PRR16: variants seen among roughly 807,000 people sequenced by gnomAD.
The protein encoded by PRR16 is proline rich 16.
A neutral mutation model predicts 18.2 loss-of-function variants in PRR16; 6 were observed. The ratio of observed to expected loss-of-function variants is 0.33; its 90% CI spans 0.18 to 0.65. PRR16 has a LOEUF of 0.65. Among genes scored for constraint, PRR16 ranks in the 30% least tolerant of loss-of-function variants. The probability of loss-of-function intolerance (pLI) is 0.74; values close to 1 mark genes in which losing one functional copy is unlikely to be tolerated. For synonymous variants in PRR16, 151 were observed against 147.8 expected, an observed-to-expected ratio of 1.02 and a Z score of -0.16; for missense variants, 412 against 376.6, an observed-to-expected ratio of 1.09 and a Z score of -0.78.
the PRR16 span, among the ~76,000 whole-genome samples, chr5:120,792,748 A>G: frequency 1.3e-5 from 2 of 152,346 alleles, no homozygotes; most frequent in Admixed American, 1.3e-4. Context: ...AAAGGGTAAG[A>G]AAAAATACAT....
the PRR16 span, among the ~76,000 whole-genome samples, chr5:120,724,537 T>C: frequency 6.6e-6 from 1 of 152,218 alleles, no homozygotes; most frequent in African/African-American, 2.4e-5. Flanking sequence ...CATGATTTTA[T>C]ATTACGATTT....
chr5:120,561,301 C>T (rs541447864), intron 1 of PRR16, among the ~76,000 whole-genome samples: 16 of 151,916 alleles, frequency 1.1e-4, no homozygotes, highest in Admixed American at 2.6e-4. Flanking sequence ...CCATAGGTTT[C>T]GGAATGTTAT....
At chr5:120,480,926 CT>C (rs1359092740) in intron 1 of PRR16, among the ~76,000 whole-genome samples, 1 of 151,812 alleles carries the variant, frequency 6.6e-6, no homozygotes, top group South Asian at 2.1e-4. Flanking sequence ...ATTAAATATT[CT>C]TTTTTTTCAC....
chr5:120,527,972 G>A (rs1379197069), intron 1 of PRR16, among the ~76,000 whole-genome samples: 4 of 152,174 alleles, frequency 2.6e-5, no homozygotes, highest in Admixed American at 2.6e-4. Flanking sequence ...ATATTCCCCA[G>A]ATTCCTTTCT....
intron 1 of PRR16, among the ~76,000 whole-genome samples, chr5:120,577,587 A>G (rs931291279): frequency 6.6e-6 from 1 of 152,198 alleles, no homozygotes; most frequent in African/African-American, 2.4e-5. Flanking sequence ...ATCTTTTTGC[A>G]CAAGTCAATG....
At chr5:120,602,009 C>G (rs1754000403) in intron 1 of PRR16, among the ~76,000 whole-genome samples, 1 of 151,906 alleles carries the variant, frequency 6.6e-6, no homozygotes, top group Non-Finnish European at 1.5e-5. Context: ...ATGGCCCAGC[C>G]TGGTACTTTT....
At chr5:120,661,226 A>G (rs893289209) in intron 1 of PRR16, among the ~76,000 whole-genome samples, 1 of 152,100 alleles carries the variant, frequency 6.6e-6, no homozygotes, top group Non-Finnish European at 1.5e-5. Flanking sequence ...TACAGCAACC[A>G]GATATGACTT....
chr5:120,700,730 G>A, the PRR16 span, among the ~76,000 whole-genome samples: 12 of 152,188 alleles, frequency 7.9e-5, no homozygotes, highest in Non-Finnish European at 1.5e-5. Flanking sequence ...AAAGTAATGT[G>A]GAGTGGGTAG....
intron 1 of PRR16, among the ~76,000 whole-genome samples, chr5:120,660,790 T>A (rs1756148690): frequency 6.6e-6 from 1 of 152,094 alleles, no homozygotes; most frequent in Non-Finnish European, 1.5e-5. Flanking sequence ...ATGGTGTAAT[T>A]TCAGAATTTA....
At chr5:120,651,209 T>C (rs2150131591) in intron 1 of PRR16, among the ~76,000 whole-genome samples, 1 of 152,274 alleles carries the variant, frequency 6.6e-6, no homozygotes, top group Non-Finnish European at 1.5e-5. Flanking sequence ...TTTGAGTTCA[T>C]TGTAGATTCT....
intron 1 of PRR16, among the ~76,000 whole-genome samples, chr5:120,533,403 C>G (rs1751614728): frequency 6.6e-6 from 1 of 152,044 alleles, no homozygotes; most frequent in East Asian, 1.9e-4. Flanking sequence ...CATAATAAAT[C>G]TGTAAATTAT....
chr5:120,785,569 G>GTTTTTTTTTTTTTTT, the PRR16 span, among the ~76,000 whole-genome samples: 24 of 99,648 alleles, frequency 2.4e-4, no homozygotes, highest in African/African-American at 7.9e-4. Context: ...GTGTTTTGTT[G>GTTTTTTTTTTTTTTT]TTGTTGTTTT....
At chr5:120,694,134 T>C in the PRR16 span, among the ~76,000 whole-genome samples, 1 of 152,190 alleles carries the variant, frequency 6.6e-6, no homozygotes, top group African/African-American at 2.4e-5. Context: ...TACAAATCAT[T>C]CTTATTAATT....
chr5:120,753,345 G>C, the PRR16 span, among the ~76,000 whole-genome samples: 1 of 152,100 alleles, frequency 6.6e-6, no homozygotes, highest in East Asian at 1.9e-4. Context: ...TCTTTTGCAT[G>C]CTGCAAATAA....
the PRR16 span, among the ~76,000 whole-genome samples, chr5:120,721,353 A>G: frequency 6.6e-6 from 1 of 152,012 alleles, no homozygotes; most frequent in Non-Finnish European, 1.5e-5. Context: ...AAAAATATGT[A>G]TAGATCAAGG....
intron 1 of PRR16, among the ~76,000 whole-genome samples, chr5:120,503,810 C>T (rs540031089): frequency 2.0e-5 from 3 of 146,432 alleles, no homozygotes; most frequent in Admixed American, 7.0e-5. Context: ...CCACAACAGT[C>T]CCCAGAGTGT....
the PRR16 span, among the ~76,000 whole-genome samples, chr5:120,705,434 C>T: frequency 6.6e-6 from 1 of 151,914 alleles, no homozygotes. Flanking sequence ...AAAAGTTTAT[C>T]TGTTCATCTT....
rs536576233 is a variant in PRR16 at position 120,519,763 on chromosome 5, G to GA, written c.159+55124dup. On this transcript the variant is annotated intron_variant, in intron 1 of 1. Transcript: ENST00000407149. ...TAAAAAAATAGAAATTAAGAGAAAA[G>GA]AAAAAATATGTGCCAGATATTTTGG... Among the ~76,000 whole-genome samples, 436 of 152,076 alleles carry GA rather than the reference G, an allele frequency of 2.9e-3. 4 individuals carry two copies. Among genetic ancestry groups the GA allele is most frequent in the African/African-American group, 9.8e-3 (408 of 41,526 alleles).
At chr5:120,507,772 T>C (rs1014102449) in intron 1 of PRR16, among the ~76,000 whole-genome samples, 2 of 152,124 alleles carry the variant, frequency 1.3e-5, no homozygotes, top group East Asian at 3.9e-4. Context: ...TTGTTAAATA[T>C]GACAGTTTGA....
Sources: gnomAD v4.1 joint callset for allele counts (sites outside exome capture counted in the v4.1 genomes callset) on GRCh38, gnomAD v4.1.1 for gene constraint, MANE v1.5 for transcripts, NCBI Gene and HGNC (gene_info 2026-07-23, HGNC 2026-07-21) for gene names.